The following MGA variants were observed in gnomAD, a reference collection of about 807,000 sequenced individuals.
The protein encoded by MGA is MAX gene-associated protein.
A neutral mutation model predicts 261.1 loss-of-function variants in MGA; 40 were observed. That is an observed-to-expected ratio of 0.15 (90% CI 0.12 to 0.20). The LOEUF is 0.20. Ranked by LOEUF, MGA falls within the 10% of genes least tolerant of loss-of-function variation. MGA has a pLI of 1.00. For missense variants in MGA, 3,397 were observed against 3,630.5 expected (o/e 0.94, Z 1.65); for synonymous variants, 1,302 against 1,290.6 (o/e 1.01, Z -0.19).
intron 10 of MGA, among the ~76,000 whole-genome samples, chr15:41,728,512 T>C (rs1213331124): frequency 6.6e-6 from 1 of 152,224 alleles, no homozygotes; most frequent in African/African-American, 2.4e-5. Context: ...TAGTATATAC[T>C]GTATTCTTAC....
intron 5 of MGA, among the ~76,000 whole-genome samples, chr15:41,700,310 T>C (rs1369458746): frequency 6.6e-6 from 1 of 152,022 alleles, no homozygotes; most frequent in Non-Finnish European, 1.5e-5. Flanking sequence ...CCTCCCAAAG[T>C]GCTGAGATTA....
chr15:41,711,787 C>A (rs2151486751), intron 8 of MGA, among the ~76,000 whole-genome samples: 1 of 152,138 alleles, frequency 6.6e-6, no homozygotes, highest in African/African-American at 2.4e-5. Flanking sequence ...CCTCCGCCTC[C>A]TGGGTTCAAG....
chr15:41,718,545 T>A, intron 9 of MGA: 1 of 470,978 alleles, frequency 2.1e-6, no homozygotes, highest in South Asian at 3.9e-5. Context: ...GTCAGAGATC[T>A]CACCTTCCTG....
rs571044569 is a variant in MGA at position 41,692,990 on chromosome 15, G to A, written c.1065-3085G>A. Reference sequence around the variant, plus strand: ...TAGGATTATAGGCGTGAGCCACTGCGCCCAGCCAATTTTTTAAAAAATATT... The same window carrying A: ...TAGGATTATAGGCGTGAGCCACTGCACCCAGCCAATTTTTTAAAAAATATT... On this transcript the variant is annotated intron_variant, in intron 2 of 23. Coordinates refer to ENST00000219905, the MANE Select transcript of MGA (RefSeq NM_001164273.2). Among the ~76,000 whole-genome samples the A allele has an allele frequency of 4.6e-4, 70 of 152,070 alleles. No homozygotes were observed. The South Asian group carries it at 0.011, about 23-fold the overall frequency.
At position 41,757,815 on chromosome 15, in the gene MGA, A is replaced by C. The variant is rs1375058176; in HGVS notation, c.7167A>C (p.Glu2389Asp). The stretch of plus-strand genomic sequence containing the variant: ...CCTGTACTCACATCTCTGCAGATGA[A>C]AAAGCAGCTGAAAGGAGTCGAAAGG... Residue 2389 changes from glutamate (E) to aspartate (D), a missense_variant, in exon 19 of 24, where the codon GAA becomes GAC. Around this residue, in one of 9 missense-constraint regions of MGA, gnomAD observed 1,410 missense variants for 1,386.4 expected, o/e 1.02. Transcript: ENST00000219905. 3 of 1,610,500 alleles carry C rather than the reference A, an allele frequency of 1.9e-6. No individual in the cohort carries two copies. In the Admixed American group the frequency reaches 5.0e-5, roughly 27 times the overall value.
intron 1 of MGA, among the ~76,000 whole-genome samples, chr15:41,631,395 C>T (rs945344798): frequency 6.6e-6 from 1 of 152,150 alleles, no homozygotes; most frequent in Non-Finnish European, 1.5e-5. Context: ...AAAGAAAGTA[C>T]ATAGGCCCAC....
chr15:41,729,557 C>T (rs1239826486), intron 11 of MGA, among the ~76,000 whole-genome samples: 1 of 152,054 alleles, frequency 6.6e-6, no homozygotes. Context: ...TGCTGTGGCT[C>T]ATGTCTCTAA....
At chr15:41,743,249 T>C (rs759572449) in intron 15 of MGA, 77 bp downstream of exon 15, 62 of 1,427,944 alleles carry the variant, frequency 4.3e-5, no homozygotes, top group Non-Finnish European at 5.5e-5. Flanking sequence ...GTTAGGATTA[T>C]AGATATATCA....
At chr15:41,649,906 C>G (rs962494668) in intron 1 of MGA, among the ~76,000 whole-genome samples, 10 of 152,166 alleles carry the variant, frequency 6.6e-5, no homozygotes, top group African/African-American at 2.4e-4. Flanking sequence ...GTGTCGAACT[C>G]CTGACCTCAG....
chr15:41,722,472 T>C (rs1346621435), intron 9 of MGA, among the ~76,000 whole-genome samples: 1 of 152,076 alleles, frequency 6.6e-6, no homozygotes, highest in Non-Finnish European at 1.5e-5. Flanking sequence ...TGTTATACTT[T>C]GACATTCAAA....
chr15:41,762,324 A>C lies in MGA; in HGVS notation c.7706A>C (p.Lys2569Thr), dbSNP rs760345429. The C allele has an allele frequency of 5.0e-6, 8 of 1,613,854 alleles. 1 individual carries two copies. The Admixed American group carries it at 1.3e-4, about 27-fold the overall frequency. Residue 2569 changes from lysine (K) to threonine (T), a missense_variant, in exon 22 of 24, where the codon AAA becomes ACA. This residue lies in a region of MGA where 647 missense variants were observed against 642.4 expected (regional missense o/e 1.01). Transcript: ENST00000219905. ...ATGTTTATAAATAACAGGAGGGGGAAACCTTTGATTCTTTCCAGAAAAAAA... is the reference window on the plus strand; with the variant it reads ...ATGTTTATAAATAACAGGAGGGGGACACCTTTGATTCTTTCCAGAAAAAAA...
intron 5 of MGA, among the ~76,000 whole-genome samples, chr15:41,703,183 G>C (rs1004055251): frequency 6.6e-6 from 1 of 152,082 alleles, no homozygotes; most frequent in Non-Finnish European, 1.5e-5. Context: ...GGTTGTGACA[G>C]TTTCTCAGAT....
upstream of MGA, among the ~76,000 whole-genome samples, chr15:41,656,373 TCTCTCACAC>T (rs2057190628): frequency 7.3e-6 from 1 of 136,660 alleles, no homozygotes; most frequent in African/African-American, 2.6e-5. Flanking sequence ...TCTCTCTCTC[TCTCTCACAC>T]CCAGGCTGGA....
At chr15:41,750,677 G>C in intron 17 of MGA, 62 bp downstream of exon 17, 1 of 1,449,562 alleles carries the variant, frequency 6.9e-7, no homozygotes, top group Non-Finnish European at 9.1e-7. Context: ...ATTAAAGACA[G>C]AAGCTTTTTC....
At chr15:41,703,219 T>C (rs1244994584) in intron 5 of MGA, among the ~76,000 whole-genome samples, 2 of 152,174 alleles carry the variant, frequency 1.3e-5, no homozygotes, top group African/African-American at 4.8e-5. Context: ...CTTGACAGTT[T>C]TGAAGAGTCA....
intron 5 of MGA, among the ~76,000 whole-genome samples, chr15:41,706,220 G>C (rs2060102995): frequency 7.1e-6 from 1 of 140,344 alleles, no homozygotes; most frequent in Admixed American, 7.4e-5. Context: ...CTGGGCAACA[G>C]AGTGAGACTC....
chr15:41,736,150 C>T (rs757148080), intron 12 of MGA, 31 bp from the exon 13 acceptor site: 2 of 1,445,830 alleles, frequency 1.4e-6, no homozygotes, highest in South Asian at 1.5e-5. Context: ...AATCTTTCAA[C>T]TTTTTCTTTT....
intron 2 of MGA, among the ~76,000 whole-genome samples, chr15:41,686,004 C>CAAAA (rs34711774): frequency 7.7e-6 from 1 of 129,084 alleles, no homozygotes; most frequent in Non-Finnish European, 1.6e-5. Flanking sequence ...GACTCTGTCT[C>CAAAA]AAAAAAAAAA....
intron 15 of MGA, among the ~76,000 whole-genome samples, chr15:41,743,623 G>T (rs2151865457): frequency 6.6e-6 from 1 of 152,274 alleles, no homozygotes; most frequent in South Asian, 2.1e-4. Context: ...GAGAGCTAGG[G>T]GTGCACATCT....
Sources: gnomAD v4.1 joint callset for allele counts (sites outside exome capture counted in the v4.1 genomes callset) on GRCh38, gnomAD v4.1.1 for gene constraint, gnomAD v4.1.1 regional missense constraint, MANE v1.5 for transcripts, NCBI Gene and HGNC (gene_info 2026-07-23, HGNC 2026-07-21) for gene names.